EPB41L2: variants seen among roughly 807,000 people sequenced by gnomAD.
EPB41L2 encodes the protein band 4.1-like protein 2.
Under a neutral mutation model 113.0 loss-of-function variants are expected in EPB41L2, and 43 were observed. The observed-to-expected ratio is 0.38, with a 90% CI of 0.30 to 0.49. The LOEUF (loss-of-function observed/expected upper bound fraction) is 0.49. Ranked by LOEUF, EPB41L2 falls within the 20% of genes least tolerant of loss-of-function variation. The pLI, the probability that EPB41L2 is intolerant of heterozygous loss-of-function variation, is 0.95. For missense variants in EPB41L2, 1,147 were observed against 1,223.4 expected, an observed-to-expected ratio of 0.94 and a Z score of 0.93; for synonymous variants, 442 against 436.7, an observed-to-expected ratio of 1.01 and a Z score of -0.15.
chr6:130,915,598 C>G (rs921134883), intron 4 of EPB41L2, among the ~76,000 whole-genome samples: 3 of 152,128 alleles, frequency 2.0e-5, no homozygotes, highest in Non-Finnish European at 4.4e-5. Context: ...AGATTTGATA[C>G]TGATGATTAA....
intron 19 of EPB41L2, among the ~76,000 whole-genome samples, chr6:130,847,845 A>G (rs976530751): frequency 2.0e-5 from 3 of 152,200 alleles, no homozygotes; most frequent in Non-Finnish European, 4.4e-5. Context: ...GCGTTCTACA[A>G]AATCTTAAAG....
intron 12 of EPB41L2, chr6:130,882,142 A>G (rs1384330151): frequency 1.3e-5 from 2 of 152,266 alleles, no homozygotes; most frequent in Non-Finnish European, 2.9e-5. Context: ...TCCTAAAGGA[A>G]CAGCATTAAT....
At chr6:131,022,485 A>G (rs557848078) in intron 1 of EPB41L2, among the ~76,000 whole-genome samples, 2 of 152,308 alleles carry the variant, frequency 1.3e-5, no homozygotes, top group South Asian at 2.1e-4. Context: ...AAATCTCTCC[A>G]TTGCTTTATT....
chr6:131,058,910 G>T (rs1798116156), intron 1 of EPB41L2, among the ~76,000 whole-genome samples: 1 of 152,076 alleles, frequency 6.6e-6, no homozygotes, highest in South Asian at 2.1e-4. Context: ...CAGCTACTTG[G>T]AAGGCTGAAG....
chr6:130,908,994 C>T (rs1489282686), intron 4 of EPB41L2, 131 bp from the exon 5 acceptor site: 58 of 638,498 alleles, frequency 9.1e-5, no homozygotes, highest in Non-Finnish European at 5.3e-6. Context: ...TTGCACCTAT[C>T]AGCATTCCAC....
rs911311646 is a variant in EPB41L2 at position 130,899,680 on chromosome 6, G to A, written c.1149-102C>T. ...GCTCAGAGGGTTTGGAGGAGAGAAA[G>A]TTACCCAGCCAAGTTTGCAGAAAAG... On this transcript the variant is annotated intron_variant, in intron 7 of 19. Transcript: ENST00000337057. The A allele has an allele frequency of 2.5e-5, 26 of 1,060,250 alleles. No individual in the cohort carries two copies. The Admixed American group carries it at 5.0e-4, about 20-fold the overall frequency. The allele number at this position is 1,060,250 out of a possible 1,614,324, so 65.7% of individuals were successfully genotyped here.
At chr6:131,029,352 A>G (rs1335542599) in intron 1 of EPB41L2, among the ~76,000 whole-genome samples, 1 of 150,284 alleles carries the variant, frequency 6.7e-6, no homozygotes, top group Non-Finnish European at 1.5e-5. Context: ...TTTTGCAAAA[A>G]CCTGAAAATA....
chr6:130,927,531 G>A (rs1353172401), intron 3 of EPB41L2, among the ~76,000 whole-genome samples: 1 of 152,070 alleles, frequency 6.6e-6, no homozygotes, highest in African/African-American at 2.4e-5. Context: ...CAGGTGCACT[G>A]ATAAAAGCCA....
At chr6:130,991,727 C>T (rs186924230) in intron 1 of EPB41L2, among the ~76,000 whole-genome samples, 70 of 152,128 alleles carry the variant, frequency 4.6e-4, no homozygotes, top group Admixed American at 2.8e-3. Flanking sequence ...TGAGGTGTTC[C>T]GCTAATTTTA....
chr6:131,002,115 G>A (rs902189842), intron 1 of EPB41L2, among the ~76,000 whole-genome samples: 1 of 152,108 alleles, frequency 6.6e-6, no homozygotes, highest in Admixed American at 6.5e-5. Context: ...GCCTCAAAAA[G>A]AACTTTAACT....
At chr6:130,987,727 GAA>G (rs1780904320) in intron 1 of EPB41L2, among the ~76,000 whole-genome samples, 1 of 151,786 alleles carries the variant, frequency 6.6e-6, no homozygotes, top group African/African-American at 2.4e-5. Flanking sequence ...ATGAATGAAT[GAA>G]TGAATGTTGT....
intron 10 of EPB41L2, among the ~76,000 whole-genome samples, chr6:130,892,403 C>CTTTTTGTTTTTTTTTTTTTTTTT (rs1793201982): frequency 1.1e-5 from 1 of 92,640 alleles, no homozygotes. Context: ...CAGATTATTG[C>CTTTTTGTTTTTTTTTTTTTTTTT]TTTTTTTTTT....
chr6:131,056,769 G>A (rs1797678624), intron 1 of EPB41L2, among the ~76,000 whole-genome samples: 1 of 152,212 alleles, frequency 6.6e-6, no homozygotes, highest in South Asian at 2.1e-4. Context: ...GAGGCTTTGA[G>A]AAATAATTTG....
At chr6:130,956,788 G>A (rs1035511329) in intron 1 of EPB41L2, among the ~76,000 whole-genome samples, 2 of 152,094 alleles carry the variant, frequency 1.3e-5, no homozygotes, top group African/African-American at 4.8e-5. Flanking sequence ...AAGAAACAGG[G>A]ATTACTTTTA....
At chr6:130,849,602 GA>G (rs1778167224) in intron 19 of EPB41L2, among the ~76,000 whole-genome samples, 1 of 151,966 alleles carries the variant, frequency 6.6e-6, no homozygotes, top group Non-Finnish European at 1.5e-5. Context: ...CTCTATAAGA[GA>G]AAAAAATAGA....
intron 3 of EPB41L2, among the ~76,000 whole-genome samples, chr6:130,936,867 G>A (rs1808993443): frequency 6.6e-6 from 1 of 152,182 alleles, no homozygotes; most frequent in Non-Finnish European, 1.5e-5. Context: ...CTTAACGTGA[G>A]GCCTCTCAAA....
intron 13 of EPB41L2, among the ~76,000 whole-genome samples, chr6:130,879,720 G>C (rs921140814): frequency 6.6e-6 from 1 of 152,082 alleles, no homozygotes; most frequent in Non-Finnish European, 1.5e-5. Context: ...CAAAAAAAGT[G>C]GGCACAGATC....
intron 1 of EPB41L2, among the ~76,000 whole-genome samples, chr6:131,061,287 A>G (rs935711693): frequency 2.6e-5 from 4 of 152,234 alleles, no homozygotes; most frequent in African/African-American, 9.6e-5. Context: ...AGTGAGGAAG[A>G]CAGGATAGGA....
intron 1 of EPB41L2, among the ~76,000 whole-genome samples, chr6:130,960,988 A>G (rs554519366): frequency 2.6e-5 from 4 of 152,312 alleles, no homozygotes; most frequent in East Asian, 3.9e-4. Context: ...GTATTGTTCA[A>G]TCATCTAGTC....
Sources: gnomAD v4.1 joint callset for allele counts (sites outside exome capture counted in the v4.1 genomes callset) on GRCh38, gnomAD v4.1.1 for gene constraint, MANE v1.5 for transcripts, NCBI Gene and HGNC (gene_info 2026-07-23, HGNC 2026-07-21) for gene names.